CDH4: variants seen among roughly 807,000 people sequenced by gnomAD.
CDH4 encodes cadherin 4.
Under a neutral mutation model 86.0 loss-of-function variants are expected in CDH4, and 33 were observed. The ratio of observed to expected loss-of-function variants is 0.38; its 90% CI spans 0.29 to 0.51. CDH4 has a LOEUF of 0.51. Among genes scored for constraint, CDH4 ranks in the 20% least tolerant of loss-of-function variants. The pLI is 0.86. For missense variants in CDH4, 1,114 were observed against 1,307.4 expected, an observed-to-expected ratio of 0.85 and a Z score of 2.28; for synonymous variants, 555 against 549.4, an observed-to-expected ratio of 1.01 and a Z score of -0.14.
intron 2 of CDH4, among the ~76,000 whole-genome samples, chr20:61,649,756 GGGCCGTGA>G (rs2087102462): frequency 6.6e-6 from 1 of 152,186 alleles, no homozygotes; most frequent in Non-Finnish European, 1.5e-5. Flanking sequence ...AGAGCATGGC[GGGCCGTGA>G]GCAGGTCTGT....
At chr20:61,651,081 C>T (rs539596042) in intron 2 of CDH4, among the ~76,000 whole-genome samples, 36 of 152,016 alleles carry the variant, frequency 2.4e-4, no homozygotes, top group African/African-American at 8.0e-4. Context: ...CGTGCTTGGC[C>T]GTGCACTGGT....
chr20:61,394,572 C>G (rs572797395), intron 2 of CDH4, among the ~76,000 whole-genome samples: 1 of 151,642 alleles, frequency 6.6e-6, no homozygotes, highest in Non-Finnish European at 1.5e-5. Flanking sequence ...TAGGCTGGGC[C>G]GAAGAGAGCA....
At position 61,726,830 on chromosome 20, in the gene CDH4, T is replaced by TTGGTGC. The variant is rs1175769019; in HGVS notation, c.170-16733_170-16732insTGGTGC. 4.8e-4 allele frequency among the ~76,000 whole-genome samples: 7 copies of TTGGTGC among 14,724 alleles called. No individual in the cohort carries two copies. In the African/African-American group the frequency reaches 6.8e-3, roughly 14 times the overall value. 9.7% of individuals were successfully genotyped at this position (14,724 alleles called of 152,430 possible). A position where few individuals can be genotyped will look rare whatever the true frequency, so the allele number is the denominator to read the frequency against. ...ATCACCATTGCTGCCATCATCACCA[T>TTGGTGC]CACTGCCATCATCACCATCACTGCC... On this transcript the variant is annotated intron_variant, in intron 2 of 15. Transcript: ENST00000614565.
chr20:61,678,811 G>A (rs2087474876), intron 2 of CDH4, among the ~76,000 whole-genome samples: 1 of 152,146 alleles, frequency 6.6e-6, no homozygotes, highest in Non-Finnish European at 1.5e-5. Flanking sequence ...TCTTCTCCCT[G>A]TATGTCCTTT....
At chr20:61,792,562 C>A (rs924529400) in intron 4 of CDH4, among the ~76,000 whole-genome samples, 7 of 152,182 alleles carry the variant, frequency 4.6e-5, no homozygotes, top group Non-Finnish European at 7.3e-5. Context: ...ACCTCACCCA[C>A]AATCTTTATT....
At chr20:61,735,983 T>C (rs989445125) in intron 2 of CDH4, among the ~76,000 whole-genome samples, 3 of 152,154 alleles carry the variant, frequency 2.0e-5, no homozygotes, top group African/African-American at 7.2e-5. Context: ...TCTCTTAACA[T>C]TGGGCCCTAA....
chr20:61,520,766 C>A (rs944171067), intron 2 of CDH4, among the ~76,000 whole-genome samples: 14 of 152,182 alleles, frequency 9.2e-5, no homozygotes, highest in Non-Finnish European at 1.9e-4. Context: ...ACTTAACAAC[C>A]CCCCGTACTG....
At chr20:61,766,137 C>T (rs1568803593) in intron 3 of CDH4, among the ~76,000 whole-genome samples, 2 of 151,996 alleles carry the variant, frequency 1.3e-5, no homozygotes, top group Non-Finnish European at 2.9e-5. Flanking sequence ...TCCAGGAGCC[C>T]ACTTTGCTCA....
chr20:61,452,987 G>T (rs1157001717), intron 2 of CDH4, among the ~76,000 whole-genome samples: 1 of 152,136 alleles, frequency 6.6e-6, no homozygotes, highest in African/African-American at 2.4e-5. Context: ...CTTCTTAGAA[G>T]TTAAACTAGT....
chr20:61,497,057 C>T (rs1210183832), intron 2 of CDH4, among the ~76,000 whole-genome samples: 3 of 150,248 alleles, frequency 2.0e-5, no homozygotes, highest in Non-Finnish European at 3.0e-5. Context: ...AAGCCTCTTA[C>T]GTTCACCATT....
chr20:61,852,619 C>T (rs1290176491), intron 5 of CDH4, 135 bp from the exon 6 acceptor site: 3 of 780,004 alleles, frequency 3.8e-6, no homozygotes, highest in Non-Finnish European at 5.7e-6. Flanking sequence ...CATGACGTGT[C>T]CAAAGCCCCC....
intron 2 of CDH4, among the ~76,000 whole-genome samples, chr20:61,529,961 C>G (rs2085939798): frequency 6.6e-6 from 1 of 152,156 alleles, no homozygotes; most frequent in Non-Finnish European, 1.5e-5. Flanking sequence ...GCTCAGCCTC[C>G]CAAATAGCTG....
chr20:61,908,085 G>A (rs919007118), intron 8 of CDH4, among the ~76,000 whole-genome samples: 3 of 152,216 alleles, frequency 2.0e-5, no homozygotes, highest in Non-Finnish European at 4.4e-5. Context: ...AGAGCCCCAG[G>A]TCGAGGAGGC....
At chr20:61,541,657 C>T (rs1175905269) in intron 2 of CDH4, among the ~76,000 whole-genome samples, 5 of 152,214 alleles carry the variant, frequency 3.3e-5, no homozygotes, top group Admixed American at 1.3e-4. Flanking sequence ...AGCATCTCTT[C>T]GCCATGTGTT....
At chr20:61,420,623 C>T (rs547151896) in intron 2 of CDH4, among the ~76,000 whole-genome samples, 47 of 152,364 alleles carry the variant, frequency 3.1e-4, no homozygotes, top group African/African-American at 1.1e-3. Context: ...AACAGAAACC[C>T]ATGCCCAGGT....
At chr20:61,616,942 G>A (rs753408286) in intron 2 of CDH4, among the ~76,000 whole-genome samples, 10 of 152,052 alleles carry the variant, frequency 6.6e-5, no homozygotes, top group Non-Finnish European at 1.3e-4. Flanking sequence ...TGGGTGGAGG[G>A]GGGTGACTGG....
At chr20:61,836,915 C>G (rs1380620971) in intron 4 of CDH4, among the ~76,000 whole-genome samples, 1 of 152,252 alleles carries the variant, frequency 6.6e-6, no homozygotes, top group Non-Finnish European at 1.5e-5. Flanking sequence ...GGTAGGGGGT[C>G]TGGCACACTG....
At chr20:61,859,573 CAT>C (rs1406048431) in intron 6 of CDH4, among the ~76,000 whole-genome samples, 3 of 152,210 alleles carry the variant, frequency 2.0e-5, no homozygotes, top group Admixed American at 2.0e-4. Context: ...TTTTATATAA[CAT>C]GTGAGATGTA....
chr20:61,651,711 C>T (rs2087122805), intron 2 of CDH4, among the ~76,000 whole-genome samples: 1 of 152,282 alleles, frequency 6.6e-6, no homozygotes, highest in Non-Finnish European at 1.5e-5. Flanking sequence ...TTAATAATTC[C>T]CAATTATTTT....
Sources: gnomAD v4.1 joint callset for allele counts (sites outside exome capture counted in the v4.1 genomes callset) on GRCh38, gnomAD v4.1.1 for gene constraint, MANE v1.5 for transcripts, NCBI Gene and HGNC (gene_info 2026-07-23, HGNC 2026-07-21) for gene names.